CDK7: variants seen among roughly 807,000 people sequenced by gnomAD.
CDK7 encodes cyclin-dependent kinase 7.
CDK7 carries 25 observed loss-of-function variants against 49.1 expected under a neutral mutation model. The observed-to-expected ratio is 0.51, with a 90% CI of 0.37 to 0.71. The LOEUF (loss-of-function observed/expected upper bound fraction) is 0.71. Ranked by LOEUF, CDK7 falls within the 30% of genes least tolerant of loss-of-function variation. The probability of loss-of-function intolerance (pLI) is 0.00; values close to 1 mark genes in which losing one functional copy is unlikely to be tolerated. For synonymous variants in CDK7, 107 were observed against 140.0 expected, an observed-to-expected ratio of 0.76 and a Z score of 1.67; for missense variants, 316 against 411.7, an observed-to-expected ratio of 0.77 and a Z score of 2.01.
At chr5:69,269,722 A>G (rs1334780800) in intron 9 of CDK7, among the ~76,000 whole-genome samples, 4 of 151,792 alleles carry the variant, frequency 2.6e-5, no homozygotes, top group African/African-American at 9.7e-5. Flanking sequence ...ATATGTATAT[A>G]TGATGTTTCT....
In CDK7 at chr5:69,243,826, G is replaced by GTTTTTTTT. The variant is rs747576681; in HGVS notation, c.126+8390_126+8397dup. Among the ~76,000 whole-genome samples the GTTTTTTTT allele has an allele frequency of 2.1e-3, 138 of 66,396 alleles. 9 individuals are homozygous for GTTTTTTTT. The highest frequency in any genetic ancestry group is 7.4e-3 in the South Asian group (10 of 1,348). 43.6% of individuals were successfully genotyped at this position (66,396 alleles called of 152,430 possible). A position where few individuals can be genotyped will look rare whatever the true frequency, so the allele number is the denominator to read the frequency against. On this transcript the variant is annotated intron_variant, in intron 2 of 11. Coordinates refer to ENST00000256443, the MANE Select transcript of CDK7 (RefSeq NM_001799.4). ...TCAATTTCTTTCACCAATGATAGTT[G>GTTTTTTTT]TTTTTTTTTTTTTTTTTTTTTTTTG...
Position 69,273,041 on chromosome 5 carries a change from G to A in CDK7, c.864G>A (p.Gln288=). Residue 288 remains glutamine (Q), a splice_region_variant and synonymous_variant, in exon 10 of 12, where the codon CAG becomes CAA. Transcript: ENST00000256443. ...CATGTGCTCGAATTACGGCCACACA[G>A]GTATTTTGGTGTATCTTTTTTATAC... is the stretch of plus-strand genomic sequence containing the variant. ...FNPCARITAT[Q]ALKMKYFSNR... 6.6e-7 allele frequency: 1 copy of A among 1,517,532 alleles called. No homozygotes were observed. The allele number at this position is 1,517,532 out of a possible 1,614,324, so 94.0% of individuals were successfully genotyped here. A position where few individuals can be genotyped will look rare whatever the true frequency, so the allele number is the denominator to read the frequency against.
Position 69,272,797 on chromosome 5 carries a change from T to A in CDK7, c.715-95T>A, listed in dbSNP as rs567678867. On this transcript the variant is annotated intron_variant, in intron 9 of 11. Transcript: ENST00000256443. ...TTTTAATAGATTTCTTGGAATTTTC[T>A]ATATAAACCATCATATCACCTGAAA... is the stretch of plus-strand genomic sequence containing the variant. The A allele has an allele frequency of 2.8e-5, 19 of 685,834 alleles. No individual in the cohort carries two copies. The South Asian group carries it at 7.7e-4, about 28-fold the overall frequency. The allele number at this position is 685,834 out of a possible 1,614,324, so 42.5% of individuals were successfully genotyped here.
At chr5:69,238,282 T>TC (rs1470092173) in intron 2 of CDK7, among the ~76,000 whole-genome samples, 1 of 127,664 alleles carries the variant, frequency 7.8e-6, no homozygotes, top group Non-Finnish European at 1.6e-5. Context: ...TACTTTTTTT[T>TC]TCCTTTTTTT....
chr5:69,258,179 A>T (rs1265400218), intron 6 of CDK7, 26 bp downstream of exon 6: 3 of 1,090,092 alleles, frequency 2.8e-6, no homozygotes, highest in Non-Finnish European at 4.0e-6. Context: ...TTGCTTCTTT[A>T]TACTAGTCAA....
chr5:69,262,171 T>C (rs757845988), intron 7 of CDK7, 34 bp from the exon 8 acceptor site: 1 of 1,612,404 alleles, frequency 6.2e-7, no homozygotes, highest in Non-Finnish European at 8.5e-7. Flanking sequence ...GATAATTTCA[T>C]GCTAAAATGA....
intron 8 of CDK7, 24 bp from the exon 9 acceptor site, chr5:69,269,183 A>T: frequency 6.8e-7 from 1 of 1,468,504 alleles, no homozygotes; most frequent in Non-Finnish European, 9.3e-7. Flanking sequence ...CACCTTGAAA[A>T]GTCTCCCTCT....
chr5:69,243,818 T>C (rs1749537187), intron 2 of CDK7, among the ~76,000 whole-genome samples: 2 of 147,494 alleles, frequency 1.4e-5, no homozygotes, highest in Non-Finnish European at 3.0e-5. Context: ...CTTTCACCAA[T>C]GATAGTTGTT....
At chr5:69,262,419 A>G (rs1248726772) in intron 8 of CDK7, 115 bp downstream of exon 8, 1 of 1,414,782 alleles carries the variant, frequency 7.1e-7, no homozygotes, top group South Asian at 1.2e-5. Context: ...CTGTAATCCC[A>G]GCACTTTGGG....
intron 8 of CDK7, 44 bp from the exon 9 acceptor site, chr5:69,269,158 TAAAAA>T (rs59967147): frequency 2.1e-5 from 22 of 1,046,910 alleles, no homozygotes; most frequent in African/African-American, 3.3e-5. Context: ...AGAAAAAAAT[TAAAAA>T]AAAAAAACCC....
intron 2 of CDK7, among the ~76,000 whole-genome samples, chr5:69,240,055 G>T (rs940968015): frequency 1.3e-5 from 2 of 152,018 alleles, no homozygotes; most frequent in African/African-American, 4.8e-5. Context: ...ACTATTAATA[G>T]TCTGTCCTTT....
Position 69,273,052 on chromosome 5 carries a change from G to A in CDK7, c.864+11G>A. On this transcript the variant is annotated intron_variant, in intron 10 of 11. Coordinates refer to ENST00000256443, the MANE Select transcript of CDK7 (RefSeq NM_001799.4). Reference sequence around the variant, plus strand: ...ATTACGGCCACACAGGTATTTTGGTGTATCTTTTTTATACTAGGAAATATA... The same window carrying A: ...ATTACGGCCACACAGGTATTTTGGTATATCTTTTTTATACTAGGAAATATA... 1.3e-6 allele frequency: 2 copies of A among 1,490,148 alleles called. No individual in the cohort carries two copies. Among genetic ancestry groups the A allele is most frequent in the Admixed American group, 1.9e-5 (1 of 53,462 alleles). The allele number at this position is 1,490,148 out of a possible 1,614,324, so 92.3% of individuals were successfully genotyped here. A position where few individuals can be genotyped will look rare whatever the true frequency, so the allele number is the denominator to read the frequency against.
rs1018477117 is a variant in CDK7, at chr5:69,240,093, C to T, written c.126+4640C>T. Among the ~76,000 whole-genome samples the T allele has an allele frequency of 3.3e-5, 5 of 152,188 alleles. No individual in the cohort carries two copies. The East Asian group carries it at 5.8e-4, about 18-fold the overall frequency. ...CCAATGAGTTGTAATGCCAAATTCCCCATACCCTTGCAATACCAAGTTCCA... is the reference window on the plus strand; with the variant it reads ...CCAATGAGTTGTAATGCCAAATTCCTCATACCCTTGCAATACCAAGTTCCA... On this transcript the variant is annotated intron_variant, in intron 2 of 11. Coordinates refer to ENST00000256443, the MANE Select transcript of CDK7 (RefSeq NM_001799.4).
intron 8 of CDK7, among the ~76,000 whole-genome samples, chr5:69,265,412 T>C (rs1179228503): frequency 4.7e-5 from 7 of 149,366 alleles, no homozygotes; most frequent in Non-Finnish European, 8.9e-5. Context: ...AAGAAAAATA[T>C]TTTATTTGCA....
At chr5:69,239,383 T>C (rs1246184622) in intron 2 of CDK7, among the ~76,000 whole-genome samples, 1 of 152,258 alleles carries the variant, frequency 6.6e-6, no homozygotes, top group Non-Finnish European at 1.5e-5. Context: ...TCTCCTGTTT[T>C]CTGTTGGATT....
At chr5:69,270,458 T>C (rs1751456273) in intron 9 of CDK7, among the ~76,000 whole-genome samples, 1 of 152,126 alleles carries the variant, frequency 6.6e-6, no homozygotes, top group African/African-American at 2.4e-5. Context: ...AAAACTATAA[T>C]AGTAATACTA....
At chr5:69,252,291 G>A (rs1750193169) in intron 2 of CDK7, 127 bp from the exon 3 acceptor site, 2 of 670,032 alleles carry the variant, frequency 3.0e-6, no homozygotes, top group Non-Finnish European at 5.3e-6. Context: ...TGCCTAGTAG[G>A]TACATATTGG....
chr5:69,244,634 C>T (rs1749608640), intron 2 of CDK7, among the ~76,000 whole-genome samples: 1 of 39,290 alleles, frequency 2.5e-5, no homozygotes, highest in Admixed American at 4.3e-4. Context: ...AAAACTCCGT[C>T]TCAAAAAAAA....
At chr5:69,236,294 A>G (rs1308730470) in intron 2 of CDK7, among the ~76,000 whole-genome samples, 1 of 152,016 alleles carries the variant, frequency 6.6e-6, no homozygotes, top group South Asian at 2.1e-4. Flanking sequence ...GTTCACCTAC[A>G]TTGTTTCTTT....
Sources: allele counts gnomAD v4.1 joint callset (sites outside exome capture counted in the v4.1 genomes callset), GRCh38; gene constraint gnomAD v4.1.1; transcripts MANE v1.5; gene names NCBI Gene and HGNC (gene_info 2026-07-23, HGNC 2026-07-21).